Variants in GPC6 observed in about 807,000 individuals in gnomAD.
GPC6 encodes the protein glypican 6.
In GPC6, 14 loss-of-function variants were observed where a neutral mutation model predicts 55.2. That is an observed-to-expected ratio of 0.25 (90% CI 0.17 to 0.40). GPC6 has a LOEUF of 0.40. GPC6 is among the 10% of genes least tolerant of loss of function. The pLI is 1.00. For synonymous variants in GPC6, 278 were observed against 259.6 expected (o/e 1.07, Z -0.68); for missense variants, 641 against 708.5 (o/e 0.90, Z 1.08).
intron 2 of GPC6, among the ~76,000 whole-genome samples, chr13:93,611,969 G>T (rs1246677263): frequency 6.6e-6 from 1 of 152,104 alleles, no homozygotes; most frequent in East Asian, 1.9e-4. Context: ...CTTTAAAGGT[G>T]ACACATCATT....
chr13:94,085,727 G>T (rs1302653127), intron 4 of GPC6, among the ~76,000 whole-genome samples: 1 of 152,182 alleles, frequency 6.6e-6, no homozygotes, highest in Admixed American at 6.6e-5. Context: ...TAGGTAACTT[G>T]TTCCCACTGC....
chr13:94,079,177 ATATG>A (rs1467432631), intron 4 of GPC6, among the ~76,000 whole-genome samples: 3 of 152,108 alleles, frequency 2.0e-5, no homozygotes, highest in Non-Finnish European at 4.4e-5. Flanking sequence ...ATGCAAATAT[ATATG>A]AAGGATTTGA....
intron 2 of GPC6, among the ~76,000 whole-genome samples, chr13:93,826,125 G>T (rs770287526): frequency 1.2e-4 from 18 of 152,078 alleles, no homozygotes; most frequent in South Asian, 2.1e-4. Flanking sequence ...CTCCCAAAGT[G>T]CTGAGATTAC....
chr13:93,831,950 C>T (rs1414225495), intron 3 of GPC6, among the ~76,000 whole-genome samples: 6 of 148,694 alleles, frequency 4.0e-5, no homozygotes, highest in Non-Finnish European at 8.9e-5. Context: ...AATAGCCAGG[C>T]GTGGTGGTGG....
chr13:93,577,862 T>G, intron 2 of GPC6, among the ~76,000 whole-genome samples: 1 of 152,146 alleles, frequency 6.6e-6, no homozygotes, highest in East Asian at 1.9e-4. Context: ...AACAGGCCTT[T>G]ATTATGTTGA....
chr13:93,257,870 C>T (rs7991253), intron 1 of GPC6, among the ~76,000 whole-genome samples: 6,212 of 152,166 alleles, frequency 0.041, 237 homozygotes, highest in East Asian at 0.18. Flanking sequence ...AGCTACATAC[C>T]CTGTAATGCA....
intron 2 of GPC6, among the ~76,000 whole-genome samples, chr13:93,655,119 G>A (rs1056477646): frequency 2.0e-5 from 3 of 151,052 alleles, no homozygotes; most frequent in Admixed American, 6.6e-5. Context: ...AAAGTGCTGG[G>A]ATTACAAGCG....
At chr13:93,268,466 C>A (rs532629846) in intron 1 of GPC6, among the ~76,000 whole-genome samples, 1 of 152,274 alleles carries the variant, frequency 6.6e-6, no homozygotes, top group East Asian at 1.9e-4. Flanking sequence ...CTATGGCTTT[C>A]AGGGCCTGAG....
chr13:93,390,801 T>C (rs1875600729), intron 1 of GPC6, among the ~76,000 whole-genome samples: 1 of 145,626 alleles, frequency 6.9e-6, no homozygotes, highest in Admixed American at 6.8e-5. Context: ...TTACTGTCAT[T>C]AAAAAAAAAA....
At chr13:94,018,492 T>C (rs990904724) in intron 3 of GPC6, among the ~76,000 whole-genome samples, 1 of 152,160 alleles carries the variant, frequency 6.6e-6, no homozygotes, top group Non-Finnish European at 1.5e-5. Context: ...GGTTTCACCA[T>C]GTTGGCCAGG....
intron 2 of GPC6, among the ~76,000 whole-genome samples, chr13:93,765,200 T>C (rs1464044419): frequency 2.2e-5 from 1 of 44,564 alleles, no homozygotes; most frequent in Admixed American, 2.6e-4. Context: ...TTATAGACCA[T>C]AGACCATTAT....
chr13:94,250,363 G>T (rs777434006), intron 4 of GPC6, among the ~76,000 whole-genome samples: 17 of 152,114 alleles, frequency 1.1e-4, no homozygotes, highest in Non-Finnish European at 2.2e-4. Context: ...TGTAGTTTGA[G>T]TGCTGTGTTT....
intron 2 of GPC6, among the ~76,000 whole-genome samples, chr13:93,808,035 A>T (rs1051827112): frequency 2.0e-5 from 3 of 152,350 alleles, no homozygotes; most frequent in Non-Finnish European, 4.4e-5. Context: ...TTATGAAATT[A>T]AGTAGGCCAC....
intron 2 of GPC6, among the ~76,000 whole-genome samples, chr13:93,594,789 G>C (rs1877651680): frequency 6.6e-6 from 1 of 151,602 alleles, no homozygotes; most frequent in Non-Finnish European, 1.5e-5. Context: ...GGTTCATGGA[G>C]TGACACTGTC....
intron 2 of GPC6, among the ~76,000 whole-genome samples, chr13:93,791,142 G>T (rs1886020990): frequency 6.6e-6 from 1 of 152,042 alleles, no homozygotes. Flanking sequence ...AATGTGTAGC[G>T]ATACCTATTG....
Position 94,330,512 on chromosome 13 carries a change from G to T in GPC6, c.1152+24389G>T, listed in dbSNP as rs924516809. On this transcript the variant is annotated intron_variant, in intron 6 of 8. Transcript: ENST00000377047. ...CCTTGGGGTGCAGCCAAGGTTGCTA[G>T]CCACTTCCCCAAGTCCTTGTTTATC... Among the ~76,000 whole-genome samples the T allele has an allele frequency of 2.4e-4, 36 of 152,140 alleles. 1 individual carries two copies. The highest frequency in any genetic ancestry group is 4.1e-4 in the Non-Finnish European group (28 of 68,028).
At chr13:93,728,266 G>T (rs1883712698) in intron 2 of GPC6, among the ~76,000 whole-genome samples, 1 of 151,844 alleles carries the variant, frequency 6.6e-6, no homozygotes, top group Non-Finnish European at 1.5e-5. Context: ...AGTAAGACTG[G>T]AGTTCAGTGG....
intron 3 of GPC6, among the ~76,000 whole-genome samples, chr13:93,835,217 G>T (rs1887687375): frequency 6.6e-6 from 1 of 152,112 alleles, no homozygotes; most frequent in African/African-American, 2.4e-5. Flanking sequence ...ACTTGAGGAG[G>T]CCGAGGCAGG....
chr13:94,136,573 G>T (rs1387765788), intron 4 of GPC6, among the ~76,000 whole-genome samples: 3 of 152,148 alleles, frequency 2.0e-5, no homozygotes, highest in Non-Finnish European at 2.9e-5. Context: ...AGTTGGGTAT[G>T]GTGGTGGGTG....
Sources: allele counts gnomAD v4.1 joint callset (sites outside exome capture counted in the v4.1 genomes callset), GRCh38; gene constraint gnomAD v4.1.1; transcripts MANE v1.5; gene names NCBI Gene and HGNC (gene_info 2026-07-23, HGNC 2026-07-21).